The following HS3ST4 variants were observed in gnomAD, a reference collection of about 807,000 sequenced individuals.
HS3ST4 encodes the protein heparan sulfate-glucosamine 3-sulfotransferase 4, also known as heparan sulfate glucosamine 3-O-sulfotransferase 4.
Under a neutral mutation model 29.2 loss-of-function variants are expected in HS3ST4, and 17 were observed. The observed-to-expected ratio is 0.58, with a 90% CI of 0.40 to 0.87. HS3ST4 has a LOEUF of 0.87. Among genes scored for constraint, HS3ST4 ranks in the 40% least tolerant of loss-of-function variants. HS3ST4 has a pLI of 0.00. For synonymous variants in HS3ST4, 314 were observed against 285.7 expected, an observed-to-expected ratio of 1.10 and a Z score of -1.00; for missense variants, 627 against 634.5, an observed-to-expected ratio of 0.99 and a Z score of 0.13.
intron 1 of HS3ST4, among the ~76,000 whole-genome samples, chr16:26,111,247 T>TAA (rs35622983): frequency 6.6e-6 from 1 of 150,624 alleles, no homozygotes; most frequent in Non-Finnish European, 1.5e-5. Context: ...TCTGGCTAAT[T>TAA]AAAAAAAAAT....
chr16:26,038,617 C>T (rs892921984), intron 1 of HS3ST4, among the ~76,000 whole-genome samples: 2 of 151,914 alleles, frequency 1.3e-5, no homozygotes, highest in Non-Finnish European at 2.9e-5. Flanking sequence ...ATGACAGCAT[C>T]GCATCCACTT....
intron 1 of HS3ST4, among the ~76,000 whole-genome samples, chr16:25,992,985 A>G (rs1433361196): frequency 6.6e-6 from 1 of 152,146 alleles, no homozygotes; most frequent in Non-Finnish European, 1.5e-5. Flanking sequence ...ATTCTTAGGC[A>G]GGGTCTCTGC....
At chr16:25,821,057 A>ATTT (rs1259738012) in intron 1 of HS3ST4, among the ~76,000 whole-genome samples, 4 of 135,052 alleles carry the variant, frequency 3.0e-5, no homozygotes, top group African/African-American at 5.5e-5. Flanking sequence ...GCGCCTTTGA[A>ATTT]TTTTTTTTTT....
intron 1 of HS3ST4, among the ~76,000 whole-genome samples, chr16:25,695,973 C>T (rs1966293162): frequency 6.6e-6 from 1 of 152,142 alleles, no homozygotes; most frequent in South Asian, 2.1e-4. Context: ...AACTCAAGAG[C>T]CCTAGCAGGT....
chr16:26,092,734 A>T (rs1043438779), intron 1 of HS3ST4, among the ~76,000 whole-genome samples: 1 of 151,944 alleles, frequency 6.6e-6, no homozygotes, highest in Non-Finnish European at 1.5e-5. Context: ...TCTCATTGGG[A>T]TGGTTGGACA....
intron 1 of HS3ST4, among the ~76,000 whole-genome samples, chr16:25,982,968 T>C (rs1021294065): frequency 6.6e-6 from 1 of 152,260 alleles, no homozygotes; most frequent in Non-Finnish European, 1.5e-5. Context: ...TGGCAGGCAC[T>C]GTTCTGGGCA....
chr16:25,832,456 C>T (rs1256373682), intron 1 of HS3ST4, among the ~76,000 whole-genome samples: 5 of 152,130 alleles, frequency 3.3e-5, no homozygotes, highest in Admixed American at 6.5e-5. Flanking sequence ...CACAATGGTT[C>T]GGACTTAATT....
chr16:26,026,890 A>G (rs1167907868), intron 1 of HS3ST4, among the ~76,000 whole-genome samples: 1 of 152,198 alleles, frequency 6.6e-6, no homozygotes, highest in African/African-American at 2.4e-5. Context: ...AGATGTCCTC[A>G]TGGGACATTT....
intron 1 of HS3ST4, among the ~76,000 whole-genome samples, chr16:26,040,629 C>T (rs149015368): frequency 6.6e-6 from 1 of 151,712 alleles, no homozygotes; most frequent in Non-Finnish European, 1.5e-5. Context: ...TTCTATGTCT[C>T]TGCTTGTCTT....
At chr16:25,879,884 A>T (rs1228939770) in intron 1 of HS3ST4, among the ~76,000 whole-genome samples, 9 of 152,150 alleles carry the variant, frequency 5.9e-5, no homozygotes, top group Non-Finnish European at 1.5e-5. Context: ...CTTACATCAC[A>T]GCAGGCAAGA....
At chr16:26,110,460 C>G (rs1223285047) in intron 1 of HS3ST4, among the ~76,000 whole-genome samples, 2 of 152,194 alleles carry the variant, frequency 1.3e-5, no homozygotes, top group African/African-American at 4.8e-5. Context: ...CCAATGTCTT[C>G]CTTCAAGCTA....
intron 1 of HS3ST4, among the ~76,000 whole-genome samples, chr16:25,795,865 A>G (rs1254594560): frequency 6.6e-6 from 1 of 152,028 alleles, no homozygotes; most frequent in African/African-American, 2.4e-5. Context: ...AGGCCTTGTG[A>G]TATTTCCTAG....
intron 1 of HS3ST4, among the ~76,000 whole-genome samples, chr16:26,097,742 TTAAAC>T (rs1298116515): frequency 7.9e-5 from 12 of 152,154 alleles, no homozygotes; most frequent in African/African-American, 2.9e-4. Context: ...TGGGATCTAA[TTAAAC>T]TAAAGAGCTT....
At chr16:25,749,450 G>A (rs1490071330) in intron 1 of HS3ST4, among the ~76,000 whole-genome samples, 1 of 152,028 alleles carries the variant, frequency 6.6e-6, no homozygotes, top group East Asian at 1.9e-4. Flanking sequence ...AGCCATCATT[G>A]CACCACTGTA....
rs542774797 is a variant in HS3ST4, at chr16:26,045,480, G to A, written c.735-90132G>A. ...ATTCGGTTTGGGAAATACTAATTTAGTTGAATGTAGCACTAGAACTCGCAG... is the reference window on the plus strand; with the variant it reads ...ATTCGGTTTGGGAAATACTAATTTAATTGAATGTAGCACTAGAACTCGCAG... On this transcript the variant is annotated intron_variant, in intron 1 of 1. Transcript: ENST00000331351. Among the ~76,000 whole-genome samples, 9 of 152,262 alleles carry A rather than the reference G, an allele frequency of 5.9e-5. No individual in the cohort carries two copies. The South Asian group carries it at 1.9e-3, about 32-fold the overall frequency.
At chr16:25,899,273 C>T (rs1308290075) in intron 1 of HS3ST4, among the ~76,000 whole-genome samples, 1 of 152,160 alleles carries the variant, frequency 6.6e-6, no homozygotes, top group African/African-American at 2.4e-5. Flanking sequence ...TATAAATGTT[C>T]CCCCCATATC....
At chr16:26,088,760 A>T (rs979233289) in intron 1 of HS3ST4, among the ~76,000 whole-genome samples, 7 of 152,158 alleles carry the variant, frequency 4.6e-5, no homozygotes, top group African/African-American at 1.2e-4. Flanking sequence ...CTGCCCTTGG[A>T]TCTTACCAAG....
chr16:25,817,754 G>A (rs1373472051), intron 1 of HS3ST4, among the ~76,000 whole-genome samples: 2 of 152,158 alleles, frequency 1.3e-5, no homozygotes, highest in Non-Finnish European at 2.9e-5. Flanking sequence ...GTAAATAACT[G>A]TATTTATACA....
intron 1 of HS3ST4, among the ~76,000 whole-genome samples, chr16:25,736,195 A>G (rs1292803732): frequency 6.6e-6 from 1 of 152,218 alleles, no homozygotes; most frequent in Non-Finnish European, 1.5e-5. Context: ...AATAGTGGGG[A>G]AGTTAATTGG....
Sources: allele counts gnomAD v4.1 joint callset (sites outside exome capture counted in the v4.1 genomes callset), GRCh38; gene constraint gnomAD v4.1.1; transcripts MANE v1.5; gene names NCBI Gene and HGNC (gene_info 2026-07-23, HGNC 2026-07-21).